The following ITPR1 variants were observed in gnomAD, a reference collection of about 807,000 sequenced individuals.
The protein encoded by ITPR1 is inositol 1,4,5-trisphosphate receptor type 1.
A neutral mutation model predicts 318.4 loss-of-function variants in ITPR1; 96 were observed. That is an observed-to-expected ratio of 0.30 (90% CI 0.26 to 0.36). ITPR1 has a LOEUF of 0.36. Ranked by LOEUF, ITPR1 falls within the 10% of genes least tolerant of loss-of-function variation. The pLI is 1.00. For missense variants in ITPR1, 2,440 were observed against 3,460.2 expected, an observed-to-expected ratio of 0.71 and a Z score of 7.40; for synonymous variants, 1,312 against 1,289.9, an observed-to-expected ratio of 1.02 and a Z score of -0.37.
intron 61 of ITPR1, among the ~76,000 whole-genome samples, chr3:4,843,917 T>A (rs765733676): frequency 5.9e-5 from 9 of 152,078 alleles, no homozygotes; most frequent in Non-Finnish European, 1.2e-4. Flanking sequence ...AATTGAAAAG[T>A]CAAGGAGAGC....
At chr3:4,690,744 C>T (rs1472845224) in intron 31 of ITPR1, among the ~76,000 whole-genome samples, 1 of 152,164 alleles carries the variant, frequency 6.6e-6, no homozygotes, top group African/African-American at 2.4e-5. Flanking sequence ...GTCATATATT[C>T]ATGCAATGGA....
At chr3:4,699,416 T>A (rs2094608557) in intron 34 of ITPR1, among the ~76,000 whole-genome samples, 1 of 152,064 alleles carries the variant, frequency 6.6e-6, no homozygotes, top group African/African-American at 2.4e-5. Context: ...ATTTGACTAT[T>A]TGGATGAGGA....
At chr3:4,700,261 G>A (rs2094625756) in intron 35 of ITPR1, among the ~76,000 whole-genome samples, 2 of 152,288 alleles carry the variant, frequency 1.3e-5, no homozygotes, top group South Asian at 2.1e-4. Context: ...CACAGTGCCT[G>A]ACACAGAGTA....
At chr3:4,643,812 T>G (rs955676776) in intron 7 of ITPR1, among the ~76,000 whole-genome samples, 7 of 152,160 alleles carry the variant, frequency 4.6e-5, no homozygotes, top group African/African-American at 1.7e-4. Flanking sequence ...TTGTTTTTTC[T>G]TAAATTTAGT....
At chr3:4,658,354 A>G in intron 13 of ITPR1, 76 bp downstream of exon 13, 3 of 1,226,230 alleles carry the variant, frequency 2.4e-6, no homozygotes, top group Non-Finnish European at 3.4e-6. Flanking sequence ...TTGGAATCCA[A>G]ATCGTTACTG....
Position 4,813,241 on chromosome 3 carries a change from C to G in ITPR1, c.7561+7C>G. 1 of 1,590,384 alleles carries G rather than the reference C, an allele frequency of 6.3e-7. No individual in the cohort carries two copies. Among genetic ancestry groups the G allele is most frequent in the Non-Finnish European group, 8.6e-7 (1 of 1,161,298 alleles). ...TCTCCTGCACCCAGAGAAGGTAGGACCTCCTAACTGTAAGCCCCATGTTAA... is the reference window on the plus strand; with the variant it reads ...TCTCCTGCACCCAGAGAAGGTAGGAGCTCCTAACTGTAAGCCCCATGTTAA... On this transcript the variant is annotated splice_region_variant and intron_variant, in intron 57 of 61. Transcript: ENST00000649015.
At chr3:4,843,353 T>A (rs4685833) in intron 61 of ITPR1, among the ~76,000 whole-genome samples, 79,684 of 151,680 alleles carry the variant, frequency 0.53, 22,679 homozygotes, top group East Asian at 0.77. Flanking sequence ...TTACTTTTTT[T>A]AAAAAAAGTG....
At position 4,650,374 on chromosome 3, in the gene ITPR1, C is replaced by A. The variant is rs114460924; in HGVS notation, c.856-1749C>A. On this transcript the variant is annotated intron_variant, in intron 10 of 61. Coordinates refer to ENST00000649015, the MANE Select transcript of ITPR1 (RefSeq NM_001378452.1). The stretch of plus-strand genomic sequence containing the variant: ...GTCAGCGTCCCAGTTCTCCATGTGG[C>A]CTTCATTTTGAAGGACTTTTTGTTG... Among the ~76,000 whole-genome samples, 1,347 of 152,190 alleles carry A rather than the reference C, an allele frequency of 8.9e-3. 22 individuals are homozygous for A. Among genetic ancestry groups the A allele is most frequent in the African/African-American group, 0.031 (1,280 of 41,536 alleles).
chr3:4,814,989 C>G (rs1234727704), intron 58 of ITPR1, 64 bp from the exon 59 acceptor site: 12 of 1,396,080 alleles, frequency 8.6e-6, no homozygotes, highest in Non-Finnish European at 1.2e-5. Flanking sequence ...GAGCTGTGCC[C>G]CAGGCTCCGC....
intron 12 of ITPR1, among the ~76,000 whole-genome samples, chr3:4,655,931 T>C (rs913434134): frequency 3.3e-5 from 5 of 152,150 alleles, no homozygotes; most frequent in African/African-American, 1.2e-4. Context: ...CTCATACTCT[T>C]CTTGGTTTGG....
chr3:4,760,798 C>T (rs2045383427), intron 44 of ITPR1, among the ~76,000 whole-genome samples: 1 of 152,188 alleles, frequency 6.6e-6, no homozygotes, highest in African/African-American at 2.4e-5. Context: ...CGCCACCCTC[C>T]TCTCCTGCCT....
intron 44 of ITPR1, among the ~76,000 whole-genome samples, chr3:4,746,755 G>T (rs1008370152): frequency 2.0e-5 from 3 of 152,202 alleles, no homozygotes; most frequent in Non-Finnish European, 2.9e-5. Context: ...GGAATTCACT[G>T]AGATAATATG....
At chr3:4,538,989 A>G (rs570150702) in intron 4 of ITPR1, among the ~76,000 whole-genome samples, 5 of 152,362 alleles carry the variant, frequency 3.3e-5, no homozygotes, top group Admixed American at 2.6e-4. Flanking sequence ...ATATTTACCT[A>G]TGTAACAAAC....
intron 39 of ITPR1, among the ~76,000 whole-genome samples, chr3:4,716,567 C>T (rs1559759373): frequency 1.3e-5 from 2 of 152,156 alleles, no homozygotes; most frequent in Admixed American, 1.3e-4. Context: ...TTGTCAGTCT[C>T]CTATTAATTA....
chr3:4,827,471 C>G (rs2050153267), intron 60 of ITPR1, among the ~76,000 whole-genome samples: 1 of 152,162 alleles, frequency 6.6e-6, no homozygotes, highest in African/African-American at 2.4e-5. Flanking sequence ...TACAATGAAG[C>G]CTACTGTCAT....
intron 52 of ITPR1, among the ~76,000 whole-genome samples, chr3:4,794,183 G>A (rs1366835544): frequency 6.6e-6 from 1 of 152,210 alleles, no homozygotes; most frequent in Non-Finnish European, 1.5e-5. Context: ...ATCACCCTAA[G>A]TGTAAAGCAC....
rs1279903564 is a variant in ITPR1 at position 4,685,011 on chromosome 3, A to G, written c.3565-58A>G. On this transcript the variant is annotated intron_variant, in intron 29 of 61. Transcript: ENST00000649015. The stretch of plus-strand genomic sequence containing the variant: ...CTCCCTGCCCGCCACCACCCTCTGC[A>G]ATCTTTTTCCAGCTATAGTTCCTAG... 10 of 1,565,596 alleles carry G rather than the reference A, an allele frequency of 6.4e-6. No individual in the cohort carries two copies. The Admixed American group carries it at 7.2e-5, about 11-fold the overall frequency.
intron 4 of ITPR1, among the ~76,000 whole-genome samples, chr3:4,617,989 A>T (rs1394934701): frequency 3.5e-5 from 1 of 28,506 alleles, no homozygotes; most frequent in Non-Finnish European, 5.7e-5. Flanking sequence ...TGCGTATCTC[A>T]AAAAAAAAAA....
intron 26 of ITPR1, among the ~76,000 whole-genome samples, 182 bp downstream of exon 26, chr3:4,681,600 AGAGT>A (rs1261580689): frequency 5.1e-5 from 7 of 137,216 alleles, no homozygotes; most frequent in Non-Finnish European, 1.1e-4. Context: ...GAGGAGAGAG[AGAGT>A]GAGAGAGAGA....
Sources: allele counts gnomAD v4.1 joint callset (sites outside exome capture counted in the v4.1 genomes callset), GRCh38; gene constraint gnomAD v4.1.1; transcripts MANE v1.5; gene names NCBI Gene and HGNC (gene_info 2026-07-23, HGNC 2026-07-21).